The following DCC variants were observed in gnomAD, a reference collection of about 807,000 sequenced individuals.
DCC encodes netrin receptor DCC.
Under a neutral mutation model 172.5 loss-of-function variants are expected in DCC, and 58 were observed. That is an observed-to-expected ratio of 0.34 (90% CI 0.27 to 0.42). DCC has a LOEUF of 0.42. Among genes scored for constraint, DCC ranks in the 10% least tolerant of loss-of-function variants. The probability of loss-of-function intolerance (pLI) is 1.00; values close to 1 mark genes in which losing one functional copy is unlikely to be tolerated. For synonymous variants in DCC, 709 were observed against 644.5 expected, an observed-to-expected ratio of 1.10 and a Z score of -1.52; for missense variants, 1,740 against 1,791.0, an observed-to-expected ratio of 0.97 and a Z score of 0.51.
intron 2 of DCC, among the ~76,000 whole-genome samples, chr18:52,838,657 G>A (rs2038754616): frequency 6.6e-6 from 1 of 152,130 alleles, no homozygotes; most frequent in African/African-American, 2.4e-5. Flanking sequence ...TTGGAACATG[G>A]GAATGAAGCA....
Position 53,344,320 on chromosome 18 carries a change from T to C in DCC, c.2359+4413T>C, listed in dbSNP as rs2057696669. On this transcript the variant is annotated intron_variant, in intron 15 of 28. Coordinates refer to ENST00000442544, the MANE Select transcript of DCC (RefSeq NM_005215.4). Reference sequence around the variant, plus strand: ...CCATTTAGTTCAAAGCATTTCCTAATTTTCCTGTGATGTGTTATTCTCCCT... The same window carrying C: ...CCATTTAGTTCAAAGCATTTCCTAACTTTCCTGTGATGTGTTATTCTCCCT... 2.0e-5 allele frequency among the ~76,000 whole-genome samples: 3 copies of C among 152,186 alleles called. 1 individual carries two copies. In the Middle Eastern group the frequency reaches 0.01, roughly 521 times the overall value.
At chr18:53,404,744 T>A (rs143084542) in intron 19 of DCC, among the ~76,000 whole-genome samples, 2,275 of 50,112 alleles carry the variant, frequency 0.045, 23 homozygotes, top group Non-Finnish European at 0.12. Flanking sequence ...AATAAAAAAA[T>A]AAAATAAAAA....
rs141824188 is a variant in DCC, at chr18:53,315,202, G to T, written c.2054-6845G>T. Among the ~76,000 whole-genome samples the T allele has an allele frequency of 2.2e-3, 329 of 152,282 alleles. 1 individual carries two copies. Among genetic ancestry groups the T allele is most frequent in the African/African-American group, 7.6e-3 (315 of 41,550 alleles). On this transcript the variant is annotated intron_variant, in intron 13 of 28. Transcript: ENST00000442544. ...TTGTTCAACTCCCACTTATGAGTGA[G>T]AACATGTGGTGTTTGGTTTTCTCTT...
chr18:52,569,233 G>C (rs2033236742), intron 1 of DCC, among the ~76,000 whole-genome samples: 1 of 152,192 alleles, frequency 6.6e-6, no homozygotes, highest in African/African-American at 2.4e-5. Flanking sequence ...CCAAGCTATG[G>C]AGTAAGACAC....
intron 1 of DCC, among the ~76,000 whole-genome samples, chr18:52,734,767 T>C (rs1053415722): frequency 6.6e-6 from 1 of 152,156 alleles, no homozygotes; most frequent in African/African-American, 2.4e-5. Flanking sequence ...ACTAACAATG[T>C]TCAATACTTA....
intron 7 of DCC, among the ~76,000 whole-genome samples, chr18:53,129,715 A>T (rs1019507729): frequency 6.6e-6 from 1 of 152,120 alleles, no homozygotes; most frequent in Admixed American, 6.6e-5. Flanking sequence ...GTCCTAATGT[A>T]TTTATCTACT....
At chr18:53,014,263 T>C (rs1324490565) in intron 5 of DCC, among the ~76,000 whole-genome samples, 3 of 152,192 alleles carry the variant, frequency 2.0e-5, no homozygotes, top group Non-Finnish European at 4.4e-5. Flanking sequence ...AGTTAAACTG[T>C]TCTTTGGAAC....
At chr18:53,177,254 G>C (rs2055115610) in intron 8 of DCC, among the ~76,000 whole-genome samples, 1 of 151,846 alleles carries the variant, frequency 6.6e-6, no homozygotes, top group African/African-American at 2.4e-5. Flanking sequence ...TGGGTGCAGT[G>C]CACCAGCATG....
chr18:52,649,578 C>T (rs1231104378), intron 1 of DCC, among the ~76,000 whole-genome samples: 2 of 152,092 alleles, frequency 1.3e-5, no homozygotes, highest in African/African-American at 4.8e-5. Flanking sequence ...CCCTCTCACC[C>T]TCCTGAGTCT....
intron 27 of DCC, among the ~76,000 whole-genome samples, chr18:53,499,762 A>G (rs942512731): frequency 7.9e-5 from 12 of 152,122 alleles, no homozygotes; most frequent in African/African-American, 2.2e-4. Flanking sequence ...CCAGTCCACC[A>G]TTTTTAATAT....
At chr18:53,071,711 T>G (rs2042653542) in intron 7 of DCC, among the ~76,000 whole-genome samples, 1 of 152,198 alleles carries the variant, frequency 6.6e-6, no homozygotes, top group Non-Finnish European at 1.5e-5. Flanking sequence ...TTTATTGTTG[T>G]TTGTTTTAAT....
chr18:52,765,200 A>ATTTTTT (rs563633847), intron 2 of DCC, among the ~76,000 whole-genome samples: 15 of 138,144 alleles, frequency 1.1e-4, no homozygotes, highest in Admixed American at 5.2e-4. Flanking sequence ...CTCCTGGCTA[A>ATTTTTT]TTTTTTTTTT....
At position 53,170,731 on chromosome 18, in the gene DCC, A is replaced by G. The variant is rs1598871412; in HGVS notation, c.1419-8231A>G. Among the ~76,000 whole-genome samples, 3 of 152,300 alleles carry G rather than the reference A, an allele frequency of 2.0e-5. No individual in the cohort carries two copies. In the East Asian group the frequency reaches 5.8e-4, roughly 29 times the overall value. Reference sequence around the variant, plus strand: ...TCATTTAATTCTTTCAGACATTGTGATACAAAATTTTTATAGCACATATGT... The same window carrying G: ...TCATTTAATTCTTTCAGACATTGTGGTACAAAATTTTTATAGCACATATGT... On this transcript the variant is annotated intron_variant, in intron 8 of 28. Transcript: ENST00000442544.
intron 2 of DCC, among the ~76,000 whole-genome samples, chr18:52,773,522 TTATC>T (rs78584152): frequency 6.9e-4 from 104 of 151,490 alleles, no homozygotes; most frequent in African/African-American, 1.8e-3. Context: ...ATCTATCTAT[TTATC>T]TATCTATCTA....
intron 5 of DCC, among the ~76,000 whole-genome samples, chr18:52,937,848 T>C (rs775455967): frequency 3.3e-5 from 5 of 151,954 alleles, no homozygotes; most frequent in Non-Finnish European, 7.4e-5. Context: ...TTTTTACTCC[T>C]CCAACCTACT....
chr18:52,445,845 T>C (rs1314449365), intron 1 of DCC, among the ~76,000 whole-genome samples: 1 of 152,212 alleles, frequency 6.6e-6, no homozygotes, highest in Non-Finnish European at 1.5e-5. Flanking sequence ...CGTTCACAGA[T>C]AGTAACTCTT....
chr18:53,431,724 T>A (rs1911632143), intron 21 of DCC, among the ~76,000 whole-genome samples: 1 of 152,128 alleles, frequency 6.6e-6, no homozygotes, highest in African/African-American at 2.4e-5. Flanking sequence ...CCTCAAGTGA[T>A]CCACCCTCCT....
intron 2 of DCC, among the ~76,000 whole-genome samples, chr18:52,752,995 A>T (rs541198682): frequency 6.8e-6 from 1 of 147,364 alleles, no homozygotes; most frequent in East Asian, 1.9e-4. Flanking sequence ...ATATACACAC[A>T]CACACATATA....
chr18:52,378,515 G>A (rs540460033), intron 1 of DCC, among the ~76,000 whole-genome samples: 14 of 152,066 alleles, frequency 9.2e-5, no homozygotes, highest in African/African-American at 3.4e-4. Context: ...AAGATACACA[G>A]CCATGAAAAA....
Sources: allele counts gnomAD v4.1 joint callset (sites outside exome capture counted in the v4.1 genomes callset), GRCh38; gene constraint gnomAD v4.1.1; transcripts MANE v1.5; gene names NCBI Gene and HGNC (gene_info 2026-07-23, HGNC 2026-07-21).